The following FBLN7 variants were observed in gnomAD, a reference collection of about 807,000 sequenced individuals.
The protein encoded by FBLN7 is fibulin 7, also known as fibulin-7.
FBLN7 carries 31 observed loss-of-function variants against 44.0 expected under a neutral mutation model. The observed-to-expected ratio is 0.70, with a 90% CI of 0.53 to 0.95. The LOEUF is 0.95. FBLN7 is among the 40% of genes least tolerant of loss of function. The pLI, the probability that FBLN7 is intolerant of heterozygous loss-of-function variation, is 0.00. For synonymous variants in FBLN7, 262 were observed against 253.4 expected (o/e 1.03, Z -0.32); for missense variants, 573 against 618.5 (o/e 0.93, Z 0.78).
At chr2:112,184,819 T>TAC (rs1467038507) in intron 6 of FBLN7, among the ~76,000 whole-genome samples, 3 of 129,210 alleles carry the variant, frequency 2.3e-5, no homozygotes, top group African/African-American at 9.1e-5. Flanking sequence ...TATATATATA[T>TAC]ACCATATACA....
rs1348493146 is a variant in FBLN7 at position 112,138,793 on chromosome 2, C to G, written c.75+63C>G. 3.8e-5 allele frequency: 54 copies of G among 1,438,676 alleles called. 2 individuals carry two copies. The South Asian group carries it at 5.3e-4, about 14-fold the overall frequency. The allele number at this position is 1,438,676 out of a possible 1,614,324, so 89.1% of individuals were successfully genotyped here. A position where few individuals can be genotyped will look rare whatever the true frequency, so the allele number is the denominator to read the frequency against. On this transcript the variant is annotated intron_variant, in intron 1 of 7. Transcript: ENST00000331203. ...CTCCCGCCTCTCTCCAGGCCAGTGT[C>G]CCTCCCGCCTCTCTCCAGGCCAGCG...
chr2:112,233,380 A>G, the FBLN7 span: 2 of 1,530,658 alleles, frequency 1.3e-6, no homozygotes. Flanking sequence ...CCCTAGGCCA[A>G]AAGAAGGAGC....
chr2:112,236,838 G>A, the FBLN7 span: 11 of 774,224 alleles, frequency 1.4e-5, no homozygotes, highest in Non-Finnish European at 2.0e-5. Flanking sequence ...CTCAAAGCTA[G>A]GAGTTCAAGG....
intron 1 of FBLN7, among the ~76,000 whole-genome samples, chr2:112,141,207 T>C (rs1241809741): frequency 6.6e-6 from 1 of 152,180 alleles, no homozygotes; most frequent in Non-Finnish European, 1.5e-5. Context: ...GGAGCTACCC[T>C]GTGAAGTGGG....
At chr2:112,156,108 C>T (rs964133472) in intron 1 of FBLN7, among the ~76,000 whole-genome samples, 5 of 152,234 alleles carry the variant, frequency 3.3e-5, no homozygotes, top group African/African-American at 9.6e-5. Context: ...ACGCTTCCTG[C>T]CCCCGCTGCC....
chr2:112,170,716 G>A (rs1682414177), intron 3 of FBLN7, among the ~76,000 whole-genome samples: 1 of 152,180 alleles, frequency 6.6e-6, no homozygotes, highest in Non-Finnish European at 1.5e-5. Flanking sequence ...GTAGTCATGG[G>A]CCATGCAGGT....
chr2:112,155,785 G>C (rs1681382773), intron 1 of FBLN7, among the ~76,000 whole-genome samples: 1 of 152,206 alleles, frequency 6.6e-6, no homozygotes, highest in Non-Finnish European at 1.5e-5. Flanking sequence ...GCAGCACTGG[G>C]GTTAGAAATA....
chr2:112,145,225 T>A (rs187350191), intron 1 of FBLN7, among the ~76,000 whole-genome samples: 85 of 152,358 alleles, frequency 5.6e-4, no homozygotes, highest in African/African-American at 2.0e-3. Context: ...ATGTGATTAT[T>A]TGCCAAATAG....
At chr2:112,160,092 GC>G (rs1558878769) in intron 2 of FBLN7, among the ~76,000 whole-genome samples, 1 of 152,100 alleles carries the variant, frequency 6.6e-6, no homozygotes, top group Non-Finnish European at 1.5e-5. Flanking sequence ...CCGGGTTCAC[GC>G]CATTCTCCTG....
chr2:112,145,719 G>T (rs1680871375), intron 1 of FBLN7, among the ~76,000 whole-genome samples: 2 of 151,984 alleles, frequency 1.3e-5, no homozygotes, highest in Non-Finnish European at 2.9e-5. Context: ...TTAAAAATGA[G>T]GTGTGAGATT....
chr2:112,138,516 G>C lies in FBLN7; in HGVS notation c.-140G>C. ...GGACGCGCTGCGCTCGGGGCCTCCC[G>C]CCTCCCCCCCTGCCCCAGCCGCCCC... On this transcript the variant is annotated 5_prime_UTR_variant, in exon 1 of 8. Transcript: ENST00000331203. 2.6e-6 allele frequency: 3 copies of C among 1,160,162 alleles called. No individual in the cohort carries two copies. Among genetic ancestry groups the C allele is most frequent in the Admixed American group, 6.7e-5 (2 of 29,924 alleles). The allele number at this position is 1,160,162 out of a possible 1,614,324, so 71.9% of individuals were successfully genotyped here.
the FBLN7 span, among the ~76,000 whole-genome samples, chr2:112,220,827 C>G: frequency 6.6e-6 from 1 of 152,062 alleles, no homozygotes; most frequent in Non-Finnish European, 1.5e-5. Flanking sequence ...ATCTCAAAAA[C>G]AAACAAAAAA....
chr2:112,165,103 T>C lies in FBLN7; in HGVS notation c.338T>C (p.Leu113Pro). 1 of 1,614,212 alleles carries C rather than the reference T, an allele frequency of 6.2e-7. No homozygotes were observed. The highest frequency in any genetic ancestry group is 8.5e-7 in the Non-Finnish European group (1 of 1,180,044). Residue 113 changes from leucine (L) to proline (P), a missense_variant, in exon 3 of 8, where the codon CTG becomes CCG. Coordinates refer to ENST00000331203, the MANE Select transcript of FBLN7 (RefSeq NM_153214.3). ...VHFTCNPGFR[L>P]VGPSSVVCLP... ...TTTACCTGCAACCCTGGGTTCCGGCTGGTCGGGCCCAGCAGCGTGGTGTGT... is the reference window on the plus strand; with the variant it reads ...TTTACCTGCAACCCTGGGTTCCGGCCGGTCGGGCCCAGCAGCGTGGTGTGT...
chr2:112,173,881 C>T (rs1682601069), intron 3 of FBLN7, among the ~76,000 whole-genome samples: 1 of 152,206 alleles, frequency 6.6e-6, no homozygotes. Flanking sequence ...CTGAATGCAG[C>T]CTGTCTAGAA....
the FBLN7 span, among the ~76,000 whole-genome samples, chr2:112,237,510 T>G: frequency 1.3e-5 from 2 of 152,190 alleles, no homozygotes; most frequent in African/African-American, 4.8e-5. Flanking sequence ...CTCGAACTCC[T>G]GGGCTCAAGC....
chr2:112,227,760 A>G, the FBLN7 span, among the ~76,000 whole-genome samples: 1 of 152,200 alleles, frequency 6.6e-6, no homozygotes, highest in South Asian at 2.1e-4. Flanking sequence ...TAAATTAACA[A>G]AAAAGTGTAC....
intron 1 of FBLN7, among the ~76,000 whole-genome samples, chr2:112,144,512 TG>T (rs999090765): frequency 1.4e-5 from 2 of 147,270 alleles, no homozygotes; most frequent in Admixed American, 6.9e-5. Context: ...TTTTTGTTTT[TG>T]TTTTCTTTTC....
chr2:112,239,989 A>G, the FBLN7 span, among the ~76,000 whole-genome samples: 1 of 152,066 alleles, frequency 6.6e-6, no homozygotes, highest in African/African-American at 2.4e-5. Flanking sequence ...GAATCCAAAC[A>G]AGCTGAGGAA....
the FBLN7 span, among the ~76,000 whole-genome samples, chr2:112,234,458 G>A: frequency 2.0e-5 from 3 of 152,102 alleles, no homozygotes; most frequent in Non-Finnish European, 2.9e-5. Flanking sequence ...GTATTGATTT[G>A]AATATTTTAT....
Sources: gnomAD v4.1 joint callset for allele counts (sites outside exome capture counted in the v4.1 genomes callset) on GRCh38, gnomAD v4.1.1 for gene constraint, MANE v1.5 for transcripts, NCBI Gene and HGNC (gene_info 2026-07-23, HGNC 2026-07-21) for gene names.